RRAGB: variants seen among roughly 807,000 people sequenced by gnomAD.
RRAGB encodes the protein Ras related GTP binding B, also known as ras-related GTP-binding protein B.
In RRAGB, 6 loss-of-function variants were observed where a neutral mutation model predicts 29.3. That is an observed-to-expected ratio of 0.21 (90% CI 0.11 to 0.40). RRAGB has a LOEUF of 0.40. Ranked by LOEUF, RRAGB falls within the 10% of genes least tolerant of loss-of-function variation. RRAGB has a pLI of 1.00. For synonymous variants in RRAGB, 101 were observed against 92.5 expected (o/e 1.09, Z -0.53); for missense variants, 184 against 272.9 (o/e 0.67, Z 2.29).
At chrX:55,718,923 G>A (rs1054291207) in intron 1 of RRAGB, among the ~76,000 whole-genome samples, 24 of 111,815 alleles carry the variant, frequency 2.1e-4, no homozygotes, top group Non-Finnish European at 3.9e-4. Context: ...TTTATACATA[G>A]AAGATATTCA....
At chrX:55,754,320 T>C (rs1340215973) in intron 7 of RRAGB, among the ~76,000 whole-genome samples, 1 of 112,936 alleles carries the variant, frequency 8.9e-6, no homozygotes, top group Non-Finnish European at 1.9e-5. Flanking sequence ...TTAGCAACTA[T>C]ATTAGAGCCT....
At chrX:55,737,185 C>T (rs1427334084) in intron 5 of RRAGB, among the ~76,000 whole-genome samples, 1 of 112,187 alleles carries the variant, frequency 8.9e-6, no homozygotes, top group Non-Finnish European at 1.9e-5. Context: ...CAGCTCCTCT[C>T]CCAGGCCAGC....
intron 5 of RRAGB, among the ~76,000 whole-genome samples, chrX:55,748,568 G>T (rs989269182): frequency 2.8e-5 from 3 of 108,433 alleles, no homozygotes; most frequent in East Asian, 3.0e-4. Flanking sequence ...TGACCCCGTC[G>T]GGGAGGTGAG....
At position 55,726,865 on chromosome X, in the gene RRAGB, C is replaced by T. The variant is rs188262610; in HGVS notation, c.227-2429C>T. 3.6e-5 allele frequency among the ~76,000 whole-genome samples: 4 copies of T among 110,958 alleles called. No homozygotes were observed. The East Asian group carries it at 1.1e-3, about 31-fold the overall frequency. On this transcript the variant is annotated intron_variant, in intron 3 of 9. Coordinates refer to ENST00000374941, the MANE Select transcript of RRAGB (RefSeq NM_006064.5). The stretch of plus-strand genomic sequence containing the variant: ...TGTCAGAAAGGTAGAGAAATCTGTT[C>T]TAGAGATACCTGTTTCTGAGTCGTC...
intron 5 of RRAGB, among the ~76,000 whole-genome samples, chrX:55,736,137 A>G (rs780378958): frequency 9.0e-5 from 10 of 111,486 alleles, no homozygotes; most frequent in Non-Finnish European, 1.9e-4. Context: ...TTGTATTTGG[A>G]TGTCTAAATT....
chrX:55,749,393 CCCGT>C (rs2034434415), intron 5 of RRAGB, among the ~76,000 whole-genome samples: 1 of 101,988 alleles, frequency 9.8e-6, no homozygotes, highest in Non-Finnish European at 2.0e-5. Flanking sequence ...GGTCAGCCGC[CCCGT>C]CCGGGAGGGA....
At chrX:55,723,829 A>G (rs1312821807) in intron 3 of RRAGB, among the ~76,000 whole-genome samples, 1 of 112,069 alleles carries the variant, frequency 8.9e-6, no homozygotes, top group Non-Finnish European at 1.9e-5. Context: ...AAGTACTGGG[A>G]CTGCAGGTAT....
At chrX:55,751,310 C>A in intron 6 of RRAGB, 114 bp downstream of exon 6, 1 of 415,051 alleles carries the variant, frequency 2.4e-6, no homozygotes, top group Non-Finnish European at 4.0e-6. Flanking sequence ...ATTTGTTGTA[C>A]TAAAAAGAAA....
intron 3 of RRAGB, chrX:55,727,372 G>C: frequency 1.2e-6 from 1 of 846,600 alleles, no homozygotes; most frequent in Non-Finnish European, 1.8e-6. Context: ...CGTAGACTCT[G>C]TTGGAAATAC....
chrX:55,726,151 TAA>T (rs58255567), intron 3 of RRAGB, among the ~76,000 whole-genome samples: 4 of 103,519 alleles, frequency 3.9e-5, no homozygotes, highest in African/African-American at 6.9e-5. Flanking sequence ...AGGAAAATGT[TAA>T]AAAAAAAAAG....
chrX:55,734,173 C>T (rs1233901181), intron 5 of RRAGB, among the ~76,000 whole-genome samples: 1 of 109,485 alleles, frequency 9.1e-6, no homozygotes, highest in Admixed American at 9.7e-5. Flanking sequence ...CCATGTTAGC[C>T]AGGATGGTCT....
intron 7 of RRAGB, 71 bp downstream of exon 7, chrX:55,753,585 T>A (rs2034579943): frequency 2.0e-6 from 2 of 990,759 alleles, no homozygotes; most frequent in African/African-American, 3.7e-5. Flanking sequence ...GAGAACAGCA[T>A]GTCACTACTT....
chrX:55,740,158 TA>T (rs1271456589), intron 5 of RRAGB, among the ~76,000 whole-genome samples: 1 of 110,818 alleles, frequency 9.0e-6, no homozygotes, highest in Non-Finnish European at 1.9e-5. Flanking sequence ...CCGTCTCTAC[TA>T]AAAAATACAA....
Position 55,753,407 on chromosome X carries a change from G to A in RRAGB, c.628G>A (p.Val210Ile). The change falls in exon 7 of 10, where the codon GTT (valine) becomes ATT (isoleucine). Residue 210 changes from valine to isoleucine, a missense_variant. Val to Ile is a conservative substitution (Grantham distance 29). Coordinates refer to ENST00000374941, the MANE Select transcript of RRAGB (RefSeq NM_006064.5). ...ETLYKAWSSI[V>I]YQLIPNVQQL... Reference sequence around the variant, plus strand: ...GTTCTGTTAGGCTTGGTCCAGCATAGTTTATCAGCTGATTCCCAATGTTCA... The same window carrying A: ...GTTCTGTTAGGCTTGGTCCAGCATAATTTATCAGCTGATTCCCAATGTTCA... 1.7e-6 allele frequency: 2 copies of A among 1,201,673 alleles called. No individual in the cohort carries two copies. The highest frequency in any genetic ancestry group is 1.8e-5 in the South Asian group (1 of 56,095).
intron 2 of RRAGB, among the ~76,000 whole-genome samples, chrX:55,720,687 CAAAA>C (rs3077387): frequency 2.2e-5 from 2 of 90,511 alleles, no homozygotes; most frequent in Non-Finnish European, 2.2e-5. Flanking sequence ...CTAAATATAC[CAAAA>C]AAAAAAAAAA....
intron 5 of RRAGB, among the ~76,000 whole-genome samples, chrX:55,745,618 C>T (rs1240964525): frequency 8.9e-6 from 1 of 112,177 alleles, no homozygotes; most frequent in Non-Finnish European, 1.9e-5. Context: ...CTGCATCTTT[C>T]AAGTCTGATG....
At chrX:55,728,150 G>A (rs1272071471) in intron 3 of RRAGB, among the ~76,000 whole-genome samples, 1 of 111,548 alleles carries the variant, frequency 9.0e-6, no homozygotes, top group Non-Finnish European at 1.9e-5. Flanking sequence ...TTTGGCCCAT[G>A]TGATGTTTTC....
chrX:55,758,517 G>A lies in RRAGB; in HGVS notation c.*174G>A. On this transcript the variant is annotated 3_prime_UTR_variant, in exon 10 of 10. Coordinates refer to ENST00000374941, the MANE Select transcript of RRAGB (RefSeq NM_006064.5). ...AACTTAAATAGCCATTGAGGAGTTA[G>A]AAGATGAATTGTTCATGAAGTCGGT... 1 of 345,022 alleles carries A rather than the reference G, an allele frequency of 2.9e-6. No individual in the cohort carries two copies. The highest frequency in any genetic ancestry group is 5.1e-6 in the Non-Finnish European group (1 of 197,850). The allele number at this position is 345,022 out of a possible 1,213,427, so 28.4% of individuals were successfully genotyped here.
intron 5 of RRAGB, among the ~76,000 whole-genome samples, chrX:55,746,827 G>A (rs1481184864): frequency 8.9e-6 from 1 of 111,910 alleles, no homozygotes; most frequent in Admixed American, 9.5e-5. Context: ...TACCCCATGG[G>A]CTGCAACATT....
Sources: gnomAD v4.1 joint callset for allele counts (sites outside exome capture counted in the v4.1 genomes callset) on GRCh38, gnomAD v4.1.1 for gene constraint, MANE v1.5 for transcripts, NCBI Gene and HGNC (gene_info 2026-07-23, HGNC 2026-07-21) for gene names.